CYP2C19: variants seen among roughly 807,000 people sequenced by gnomAD.
CYP2C19 encodes cytochrome P450 family 2 subfamily C member 19, also known as cytochrome P450 2C19.
In CYP2C19, 59 loss-of-function variants were observed where a neutral mutation model predicts 40.9. That is an observed-to-expected ratio of 1.44 (90% CI 1.17 to 1.79). The LOEUF (loss-of-function observed/expected upper bound fraction) is 1.79, where lower values mean the gene tolerates loss of function less well. Ranked by LOEUF, CYP2C19 falls within the 40% of genes most tolerant of loss-of-function variation. CYP2C19 has a pLI of 0.00. For synonymous variants in CYP2C19, 253 were observed against 208.7 expected, an observed-to-expected ratio of 1.21 and a Z score of -1.83; for missense variants, 754 against 596.9, an observed-to-expected ratio of 1.26 and a Z score of -2.74.
At chr10:94,833,331 T>C (rs892785825) in intron 6 of CYP2C19, among the ~76,000 whole-genome samples, 2 of 152,246 alleles carry the variant, frequency 1.3e-5, no homozygotes, top group Non-Finnish European at 2.9e-5. Flanking sequence ...ATCCTTGTCA[T>C]GTTCATGATC....
chr10:94,838,972 G>T (rs1046748661), intron 6 of CYP2C19, among the ~76,000 whole-genome samples: 3 of 151,966 alleles, frequency 2.0e-5, no homozygotes, highest in Non-Finnish European at 2.9e-5. Flanking sequence ...GGGTCAAATT[G>T]GTCCTAATTC....
chr10:94,828,413 T>A (rs1317582013), intron 6 of CYP2C19, among the ~76,000 whole-genome samples: 3 of 150,540 alleles, frequency 2.0e-5, no homozygotes, highest in Admixed American at 6.6e-5. Context: ...TTTACCATTA[T>A]GTAATGGCCT....
chr10:94,837,654 G>A (rs550199429), intron 6 of CYP2C19, among the ~76,000 whole-genome samples: 153 of 152,274 alleles, frequency 1.0e-3, no homozygotes, highest in Non-Finnish European at 2.0e-3. Context: ...TGACAGATCT[G>A]GAGGACAGTT....
chr10:94,802,199 T>G (rs1192153509), intron 5 of CYP2C19, among the ~76,000 whole-genome samples: 1 of 152,132 alleles, frequency 6.6e-6, no homozygotes, highest in Non-Finnish European at 1.5e-5. Context: ...TCTAGCTAGC[T>G]ACAGAGCACT....
chr10:94,798,814 A>ATTTTTTTTTTT (rs61240923), intron 5 of CYP2C19, among the ~76,000 whole-genome samples: 39 of 67,688 alleles, frequency 5.8e-4, no homozygotes, highest in African/African-American at 6.6e-4. Flanking sequence ...GCAACCCCTG[A>ATTTTTTTTTTT]TTTTTTTTTT....
chr10:94,812,886 G>A (rs980219131), intron 5 of CYP2C19, among the ~76,000 whole-genome samples: 3 of 151,842 alleles, frequency 2.0e-5, no homozygotes, highest in African/African-American at 7.3e-5. Context: ...TTCTTTCTCT[G>A]TCCAGTTTTG....
intron 5 of CYP2C19, 46 bp from the exon 6 acceptor site, chr10:94,820,450 A>G (rs757767247): frequency 1.9e-6 from 3 of 1,605,920 alleles, no homozygotes; most frequent in South Asian, 2.2e-5. Context: ...GTCATCAAAT[A>G]TGCTGTTAAA....
chr10:94,812,941 T>C (rs1848948202), intron 5 of CYP2C19, among the ~76,000 whole-genome samples: 1 of 151,818 alleles, frequency 6.6e-6, no homozygotes, highest in African/African-American at 2.4e-5. Context: ...GGAGAAGAGA[T>C]GTTCTGGTTT....
chr10:94,794,316 G>A (rs1007232564), intron 5 of CYP2C19, among the ~76,000 whole-genome samples: 2 of 152,214 alleles, frequency 1.3e-5, no homozygotes, highest in Non-Finnish European at 2.9e-5. Context: ...CCCAGGTGAG[G>A]CGATGCCCTG....
At chr10:94,849,773 T>A (rs1849624325) in intron 7 of CYP2C19, 144 bp from the exon 8 acceptor site, 8 of 1,011,086 alleles carry the variant, frequency 7.9e-6, no homozygotes, top group Non-Finnish European at 1.1e-5. Flanking sequence ...TTACTTCGTC[T>A]ATCTGTCTGG....
At chr10:94,789,309 A>G (rs913568468) in intron 5 of CYP2C19, among the ~76,000 whole-genome samples, 1 of 151,740 alleles carries the variant, frequency 6.6e-6, no homozygotes, top group Admixed American at 6.6e-5. Context: ...GTTCACTCTG[A>G]CGATAGTTTC....
At chr10:94,810,545 T>A (rs1820431300) in intron 5 of CYP2C19, among the ~76,000 whole-genome samples, 1 of 152,194 alleles carries the variant, frequency 6.6e-6, no homozygotes, top group African/African-American at 2.4e-5. Flanking sequence ...GGGCTATTCC[T>A]TGCTGCCTCA....
At chr10:94,788,733 C>T (rs57822910) in intron 5 of CYP2C19, among the ~76,000 whole-genome samples, 11,809 of 152,106 alleles carry the variant, frequency 0.078, 533 homozygotes, top group South Asian at 0.12. Flanking sequence ...CATATTTTCT[C>T]TATCTGTCTA....
At chr10:94,776,640 G>C (rs1848410817) in intron 3 of CYP2C19, among the ~76,000 whole-genome samples, 1 of 152,106 alleles carries the variant, frequency 6.6e-6, no homozygotes, top group Non-Finnish European at 1.5e-5. Context: ...TAAATATAAA[G>C]TTTAATATTT....
Position 94,775,057 on chromosome 10 carries a change from G to T in CYP2C19, c.169-1G>T, listed in dbSNP as rs1564660965. ...GCTGTTAACTGTATCTCCTTTTCTA[G>T]CTCTCAAAAATCTATGGCCCTGTGT... On this transcript the variant is annotated splice_acceptor_variant, in intron 1 of 8. Coordinates refer to ENST00000371321, the MANE Select transcript of CYP2C19 (RefSeq NM_000769.4). LOFTEE classifies it high-confidence loss of function. 1.2e-6 allele frequency: 2 copies of T among 1,613,948 alleles called. No homozygotes were observed. Among genetic ancestry groups the T allele is most frequent in the Non-Finnish European group, 1.7e-6 (2 of 1,179,924 alleles).
chr10:94,818,882 T>C (rs1165070741), intron 5 of CYP2C19, among the ~76,000 whole-genome samples: 6 of 152,148 alleles, frequency 3.9e-5, no homozygotes, highest in Non-Finnish European at 8.8e-5. Flanking sequence ...TCCCCTTTAT[T>C]TCCTTCTCCT....
At chr10:94,835,672 C>G (rs1355372609) in intron 6 of CYP2C19, among the ~76,000 whole-genome samples, 1 of 152,118 alleles carries the variant, frequency 6.6e-6, no homozygotes, top group African/African-American at 2.4e-5. Context: ...CTAACGGCTT[C>G]CTGAGGTTTG....
chr10:94,799,876 T>C (rs1848740074), intron 5 of CYP2C19, among the ~76,000 whole-genome samples: 1 of 152,202 alleles, frequency 6.6e-6, no homozygotes, highest in Non-Finnish European at 1.5e-5. Context: ...AGGTCTTCTC[T>C]ACACTGTTCT....
intron 6 of CYP2C19, among the ~76,000 whole-genome samples, chr10:94,839,482 G>T (rs904326268): frequency 8.5e-5 from 13 of 152,286 alleles, no homozygotes; most frequent in African/African-American, 3.1e-4. Context: ...TGTACTCAGG[G>T]GTGAGTCCTA....
Sources: allele counts gnomAD v4.1 joint callset (sites outside exome capture counted in the v4.1 genomes callset), GRCh38; gene constraint gnomAD v4.1.1; transcripts MANE v1.5; gene names NCBI Gene and HGNC (gene_info 2026-07-23, HGNC 2026-07-21).